MATCAP2: variants seen among roughly 807,000 people sequenced by gnomAD.
MATCAP2 encodes the protein microtubule associated tyrosine carboxypeptidase 2, also known as putative tyrosine carboxypeptidase MATCAP2.
At chr7:36,325,427 A>T in the MATCAP2 span, 3 of 152,134 alleles carry the variant, frequency 2.0e-5, no homozygotes, top group African/African-American at 7.2e-5. Flanking sequence ...AAATCATGTA[A>T]CCTCTCCTAT....
the MATCAP2 span, among the ~76,000 whole-genome samples, chr7:36,379,444 A>G: frequency 6.6e-6 from 1 of 152,176 alleles, no homozygotes; most frequent in Non-Finnish European, 1.5e-5. Flanking sequence ...CTATGTAACT[A>G]TAACCATGCA....
the MATCAP2 span, among the ~76,000 whole-genome samples, chr7:36,340,441 T>C: frequency 6.6e-6 from 1 of 152,220 alleles, no homozygotes; most frequent in Non-Finnish European, 1.5e-5. Context: ...CAATGGTACA[T>C]AACAGCATAT....
chr7:36,389,952 T>A, the MATCAP2 span: 1 of 1,613,018 alleles, frequency 6.2e-7, no homozygotes, highest in Non-Finnish European at 8.5e-7. Flanking sequence ...GGAGACACAC[T>A]GAGCTGAGAC....
chr7:36,336,215 G>A, the MATCAP2 span: 1 of 1,536,288 alleles, frequency 6.5e-7, no homozygotes, highest in Non-Finnish European at 8.7e-7. Flanking sequence ...TCGAGTTTTA[G>A]AGAGCAAGCT....
the MATCAP2 span, among the ~76,000 whole-genome samples, chr7:36,344,266 T>C: frequency 1.3e-5 from 2 of 152,126 alleles, no homozygotes; most frequent in Non-Finnish European, 2.9e-5. Context: ...TAAGGAACAA[T>C]CTAAATATTC....
At chr7:36,371,791 C>T in the MATCAP2 span, among the ~76,000 whole-genome samples, 1 of 152,038 alleles carries the variant, frequency 6.6e-6, no homozygotes, top group African/African-American at 2.4e-5. Context: ...GACAGGGTCT[C>T]ACTCTGTTGC....
the MATCAP2 span, among the ~76,000 whole-genome samples, chr7:36,340,808 A>AGT: frequency 6.6e-6 from 1 of 152,244 alleles, no homozygotes; most frequent in Non-Finnish European, 1.5e-5. Flanking sequence ...AATGGCAATG[A>AGT]GTCAATCACT....
At chr7:36,385,057 T>A in the MATCAP2 span, among the ~76,000 whole-genome samples, 3,126 of 152,188 alleles carry the variant, frequency 0.021, 51 homozygotes, top group Middle Eastern at 0.051. Flanking sequence ...TTGAAAAAGA[T>A]CCCTCTCTAT....
At chr7:36,328,467 G>A in the MATCAP2 span, among the ~76,000 whole-genome samples, 1 of 152,082 alleles carries the variant, frequency 6.6e-6, no homozygotes, top group Non-Finnish European at 1.5e-5. Context: ...ACTCAGCCCG[G>A]TGCCAGTGGC....
At chr7:36,325,432 T>C in the MATCAP2 span, 1 of 152,178 alleles carries the variant, frequency 6.6e-6, no homozygotes. Flanking sequence ...ATGTAACCTC[T>C]CCTATAAAAG....
the MATCAP2 span, among the ~76,000 whole-genome samples, chr7:36,329,376 T>C: frequency 6.6e-6 from 1 of 152,188 alleles, no homozygotes; most frequent in Admixed American, 6.5e-5. Flanking sequence ...CAAATAGATA[T>C]GATTTGCTCA....
the MATCAP2 span, among the ~76,000 whole-genome samples, chr7:36,343,616 G>A: frequency 1.2e-5 from 1 of 86,508 alleles, no homozygotes; most frequent in East Asian, 3.8e-4. Context: ...AAGAAGGAGA[G>A]AAGGAAGGAA....
At chr7:36,364,105 T>G in the MATCAP2 span, among the ~76,000 whole-genome samples, 2 of 133,956 alleles carry the variant, frequency 1.5e-5, no homozygotes, top group African/African-American at 5.7e-5. Context: ...TTTTTTTTTT[T>G]GTGACAGGGT....
the MATCAP2 span, chr7:36,389,874 G>T: frequency 7.2e-7 from 1 of 1,384,300 alleles, no homozygotes; most frequent in Non-Finnish European, 1.0e-6. Context: ...GTCCGTCACT[G>T]GAAGCCGAGA....
chr7:36,375,296 A>G, the MATCAP2 span, among the ~76,000 whole-genome samples: 1 of 152,116 alleles, frequency 6.6e-6, no homozygotes, highest in Non-Finnish European at 1.5e-5. Context: ...ACCAGTGATG[A>G]TGAGCATTTT....
chr7:36,354,431 C>G, the MATCAP2 span, among the ~76,000 whole-genome samples: 1 of 152,224 alleles, frequency 6.6e-6, no homozygotes, highest in Non-Finnish European at 1.5e-5. Context: ...CAAAACAATA[C>G]AGATTGCCTG....
the MATCAP2 span, among the ~76,000 whole-genome samples, chr7:36,333,409 G>C: frequency 1.3e-5 from 2 of 152,086 alleles, no homozygotes; most frequent in African/African-American, 4.8e-5. Context: ...TTTCTTTTGA[G>C]GTAATGAAAA....
chr7:36,335,290 C>T, the MATCAP2 span: 1 of 986,938 alleles, frequency 1.0e-6, no homozygotes. Context: ...TTGTTTATAA[C>T]CACCTTAAAT....
chr7:36,335,145 G>A, the MATCAP2 span: 21 of 1,613,770 alleles, frequency 1.3e-5, no homozygotes, highest in African/African-American at 2.7e-5. Flanking sequence ...ATTGACGCTC[G>A]GGAAAGCAGG....
Sources: gnomAD v4.1 joint callset for allele counts (sites outside exome capture counted in the v4.1 genomes callset) on GRCh38, gnomAD v4.1.1 for gene constraint, MANE v1.5 for transcripts, NCBI Gene and HGNC (gene_info 2026-07-23, HGNC 2026-07-21) for gene names.